The following APTX variants were observed in gnomAD, a reference collection of about 807,000 sequenced individuals.
The protein encoded by APTX is forkhead-associated domain histidine triad-like protein.
APTX carries 33 observed loss-of-function variants against 42.3 expected under a neutral mutation model. The ratio of observed to expected loss-of-function variants is 0.78; its 90% CI spans 0.59 to 1.04. APTX has a LOEUF of 1.04. Among genes scored for constraint, APTX ranks in the 50% least tolerant of loss-of-function variants. The pLI is 0.00. For synonymous variants in APTX, 130 were observed against 146.7 expected (o/e 0.89, Z 0.82); for missense variants, 421 against 415.1 (o/e 1.01, Z -0.12).
At chr9:32,994,274 T>C (rs1834322301) in intron 1 of APTX, among the ~76,000 whole-genome samples, 1 of 152,206 alleles carries the variant, frequency 6.6e-6, no homozygotes, top group Admixed American at 6.5e-5. Context: ...TTTTACTTAA[T>C]AGTTAAATAA....
chr9:33,023,065 G>T (rs1023735116), intron 1 of APTX, among the ~76,000 whole-genome samples: 2 of 152,134 alleles, frequency 1.3e-5, no homozygotes, highest in Non-Finnish European at 2.9e-5. Flanking sequence ...CGGGACTCAA[G>T]GGATCCGCCT....
upstream of APTX, among the ~76,000 whole-genome samples, chr9:33,005,779 A>G (rs991610035): frequency 1.5e-4 from 23 of 152,190 alleles, no homozygotes; most frequent in East Asian, 1.9e-4. Flanking sequence ...TCCAACTTCA[A>G]TTTTTTGCAT....
chr9:32,988,608 G>C (rs912796311), intron 2 of APTX, among the ~76,000 whole-genome samples: 4 of 145,472 alleles, frequency 2.7e-5, no homozygotes, highest in African/African-American at 1.0e-4. Context: ...TGAGCCCCAG[G>C]AGGTGGAGGT....
chr9:33,020,184 G>C (rs1320171183), intron 1 of APTX: 1 of 272,000 alleles, frequency 3.7e-6, no homozygotes, highest in Non-Finnish European at 6.8e-6. Flanking sequence ...AAAAAGTATA[G>C]CTGTAGTTGT....
At chr9:33,006,160 G>A (rs1168859460), upstream of APTX, among the ~76,000 whole-genome samples, 1 of 151,974 alleles carries the variant, frequency 6.6e-6, no homozygotes, top group African/African-American at 2.4e-5. Flanking sequence ...AGTGGCTCAT[G>A]TGTGTAATCC....
chr9:32,980,616 A>C (rs993434623), intron 6 of APTX, among the ~76,000 whole-genome samples: 3 of 152,260 alleles, frequency 2.0e-5, no homozygotes, highest in African/African-American at 7.2e-5. Context: ...AGGGAGGAAC[A>C]TGGAGAAACC....
chr9:32,987,435 T>C, intron 4 of APTX, 109 bp downstream of exon 4: 4 of 1,396,692 alleles, frequency 2.9e-6, no homozygotes, highest in Non-Finnish European at 4.0e-6. Flanking sequence ...TCTTTCATCA[T>C]GGTTAATAAC....
rs1001956784 is a variant in APTX, at chr9:32,974,394, C to G, written c.874+64G>C. ...TCAGACTGTTATTCAGGGAAACAAC[C>G]AAATCAAATATAAGAACAGCTCAGA... On this transcript the variant is annotated intron_variant, in intron 7 of 7. Coordinates refer to ENST00000379817, the MANE Select transcript of APTX (RefSeq NM_001195248.2). 3 of 1,100,996 alleles carry G rather than the reference C, an allele frequency of 2.7e-6. No individual in the cohort carries two copies. The African/African-American group carries it at 4.6e-5, about 17-fold the overall frequency. 68.2% of individuals were successfully genotyped at this position (1,100,996 alleles called of 1,614,324 possible).
At chr9:33,003,420 C>T (rs559784290), upstream of APTX, among the ~76,000 whole-genome samples, 2 of 152,306 alleles carry the variant, frequency 1.3e-5, no homozygotes, top group Middle Eastern at 3.4e-3. Flanking sequence ...GTGGCTCACA[C>T]CTGTAATCCC....
intron 6 of APTX, among the ~76,000 whole-genome samples, chr9:32,981,377 C>T (rs937809366): frequency 6.6e-6 from 1 of 152,072 alleles, no homozygotes; most frequent in Non-Finnish European, 1.5e-5. Flanking sequence ...CATGGTTTTT[C>T]ACATACAAAT....
Position 32,987,808 on chromosome 9 carries a change from A to G in APTX, c.219T>C (p.Ile73=). 6.2e-7 allele frequency: 1 copy of G among 1,613,930 alleles called. No individual in the cohort carries two copies. Among genetic ancestry groups the G allele is most frequent in the Non-Finnish European group, 8.5e-7 (1 of 1,180,028 alleles). ...GCAGCTTCACCTCTTGGTCCTTCCC[A>G]ATTACGACTGAGTCAATGCTGGTGG... The part of the protein sequence containing the change: ...VNPTSIDSVV[I]GKDQEVKLQP... Residue 73 remains isoleucine (I), a synonymous_variant, in exon 4 of 8, where the codon ATT becomes ATC. Coordinates refer to ENST00000379817, the MANE Select transcript of APTX (RefSeq NM_001195248.2).
Position 33,008,551 on chromosome 9 carries a change from A to ATT in APTX, c.-5+16470_-5+16471dup, listed in dbSNP as rs34273971. Among the ~76,000 whole-genome samples the ATT allele has an allele frequency of 5.5e-3, 744 of 135,052 alleles. 7 individuals carry two copies. Among genetic ancestry groups the ATT allele is most frequent in the Middle Eastern group, 0.019 (5 of 264 alleles). The allele number at this position is 135,052 out of a possible 152,430, so 88.6% of individuals were successfully genotyped here. On this transcript the variant is annotated intron_variant, in intron 1 of 6. Coordinates refer to the APTX transcript ENST00000436040. Reference sequence around the variant, plus strand: ...CCACCACACACAGCTTCTGATTAAGATTTTTTTTTTTTTTTTTTGAGATGG... The same window carrying ATT: ...CCACCACACACAGCTTCTGATTAAGATTTTTTTTTTTTTTTTTTTTGAGATGG...
intron 6 of APTX, among the ~76,000 whole-genome samples, chr9:32,976,007 C>A (rs1829305325): frequency 6.6e-6 from 1 of 152,116 alleles, no homozygotes; most frequent in Non-Finnish European, 1.5e-5. Flanking sequence ...ACCGTAAGAA[C>A]CTATGTAAAA....
At chr9:33,006,256 A>T (rs1367360645), upstream of APTX, among the ~76,000 whole-genome samples, 1 of 152,088 alleles carries the variant, frequency 6.6e-6, no homozygotes, top group Admixed American at 6.5e-5. Context: ...CCCTCTCTCT[A>T]TAAAAAAAAT....
At chr9:32,976,086 A>T (rs1420332083) in intron 6 of APTX, among the ~76,000 whole-genome samples, 1 of 152,226 alleles carries the variant, frequency 6.6e-6, no homozygotes, top group African/African-American at 2.4e-5. Context: ...TGTAATGGAA[A>T]GATCTGTACT....
At chr9:33,022,960 C>T (rs1210383730) in intron 1 of APTX, among the ~76,000 whole-genome samples, 1 of 152,132 alleles carries the variant, frequency 6.6e-6, no homozygotes. Flanking sequence ...CCTCAGCCTC[C>T]CAAGTAGCTG....
At chr9:33,020,635 CA>C (rs1564006854) in intron 1 of APTX, among the ~76,000 whole-genome samples, 1 of 152,124 alleles carries the variant, frequency 6.6e-6, no homozygotes, top group African/African-American at 2.4e-5. Flanking sequence ...AAAGAAAGAA[CA>C]GATGAGGAAA....
chr9:33,021,129 C>CAAAAAAAA (rs11384877), intron 1 of APTX, among the ~76,000 whole-genome samples: 1 of 107,530 alleles, frequency 9.3e-6, no homozygotes. Context: ...AACTCTGTCT[C>CAAAAAAAA]AAAAAAAAAA....
intron 1 of APTX, among the ~76,000 whole-genome samples, chr9:32,993,647 C>G (rs949857292): frequency 6.6e-6 from 1 of 151,940 alleles, no homozygotes; most frequent in Non-Finnish European, 1.5e-5. Context: ...CTCTGTTCCT[C>G]TCTTTGGGCA....
Sources: allele counts gnomAD v4.1 joint callset (sites outside exome capture counted in the v4.1 genomes callset), GRCh38; gene constraint gnomAD v4.1.1; transcripts MANE v1.5; gene names NCBI Gene and HGNC (gene_info 2026-07-23, HGNC 2026-07-21).